STPG2: variants seen among roughly 807,000 people sequenced by gnomAD.
STPG2 encodes the protein sperm tail PG-rich repeat containing 2.
In STPG2, 56 loss-of-function variants were observed where a neutral mutation model predicts 54.2. That is an observed-to-expected ratio of 1.03 (90% CI 0.83 to 1.29). The LOEUF (loss-of-function observed/expected upper bound fraction) is 1.29. Ranked by LOEUF, STPG2 falls within the 50% of genes most tolerant of loss-of-function variation. The pLI, the probability that STPG2 is intolerant of heterozygous loss-of-function variation, is 0.00. For missense variants in STPG2, 596 were observed against 544.9 expected (o/e 1.09, Z -0.93); for synonymous variants, 200 against 181.8 (o/e 1.10, Z -0.81).
intron 10 of STPG2, among the ~76,000 whole-genome samples, chr4:97,671,257 T>G (rs979756499): frequency 6.6e-6 from 1 of 152,218 alleles, no homozygotes; most frequent in Non-Finnish European, 1.5e-5. Flanking sequence ...GCTCTCCTAG[T>G]TCATGTCATA....
At chr4:97,732,341 C>T (rs2149027584) in intron 9 of STPG2, among the ~76,000 whole-genome samples, 1 of 152,246 alleles carries the variant, frequency 6.6e-6, no homozygotes, top group South Asian at 2.1e-4. Context: ...GTCATTGATC[C>T]ATCTTCAATT....
At chr4:97,784,158 C>A (rs1188300601) in intron 9 of STPG2, among the ~76,000 whole-genome samples, 4 of 150,114 alleles carry the variant, frequency 2.7e-5, no homozygotes, top group Non-Finnish European at 4.5e-5. Flanking sequence ...ACAACAACAA[C>A]AAAAAAGAAT....
At chr4:97,679,648 A>G (rs973431939) in intron 10 of STPG2, among the ~76,000 whole-genome samples, 1 of 152,092 alleles carries the variant, frequency 6.6e-6, no homozygotes, top group Admixed American at 6.5e-5. Flanking sequence ...CCATTTGTCA[A>G]TTTTGGCTTT....
chr4:98,094,589 C>G (rs986355631), intron 5 of STPG2, among the ~76,000 whole-genome samples: 1 of 152,000 alleles, frequency 6.6e-6, no homozygotes, highest in African/African-American at 2.4e-5. Flanking sequence ...TGGACCTGCC[C>G]TGGGTCAGAG....
In STPG2 at chr4:98,099,719, C is replaced by T. The variant is rs147060363; in HGVS notation, c.612+6234G>A. ...TTCACATTGCATGCCTGTATCAAAACATCTCATGTACCCCATAAAAATATA... is the reference window on the plus strand; with the variant it reads ...TTCACATTGCATGCCTGTATCAAAATATCTCATGTACCCCATAAAAATATA... On this transcript the variant is annotated intron_variant, in intron 5 of 10. Transcript: ENST00000295268. Among the ~76,000 whole-genome samples, 279 of 152,206 alleles carry T rather than the reference C, an allele frequency of 1.8e-3. 1 individual carries two copies. The highest frequency in any genetic ancestry group is 6.3e-3 in the African/African-American group (260 of 41,522).
At chr4:97,881,490 T>A (rs1414491302) in intron 8 of STPG2, among the ~76,000 whole-genome samples, 3 of 152,132 alleles carry the variant, frequency 2.0e-5, no homozygotes, top group Admixed American at 1.3e-4. Flanking sequence ...ACCAAACTCA[T>A]AAATGGGCAA....
intron 8 of STPG2, among the ~76,000 whole-genome samples, chr4:97,882,422 G>A (rs781041074): frequency 2.6e-5 from 4 of 152,274 alleles, no homozygotes; most frequent in Non-Finnish European, 4.4e-5. Context: ...AAGGGCACAG[G>A]TGCAGATCCC....
chr4:97,630,105 G>A (rs1721221887), intron 10 of STPG2, among the ~76,000 whole-genome samples: 1 of 151,806 alleles, frequency 6.6e-6, no homozygotes. Context: ...GTTTATCAGT[G>A]CAAAATAATA....
intron 9 of STPG2, among the ~76,000 whole-genome samples, chr4:97,748,060 A>G (rs998303838): frequency 6.6e-6 from 1 of 151,486 alleles, no homozygotes; most frequent in Non-Finnish European, 1.5e-5. Context: ...TTTTCATGTG[A>G]GAACTGAAAA....
intron 7 of STPG2, among the ~76,000 whole-genome samples, chr4:97,955,932 T>C (rs1057154605): frequency 6.6e-6 from 1 of 151,878 alleles, no homozygotes; most frequent in Non-Finnish European, 1.5e-5. Flanking sequence ...AAACAAAAAC[T>C]GTAATAATTC....
chr4:98,119,042 T>C (rs1003561943), intron 3 of STPG2, among the ~76,000 whole-genome samples: 4 of 152,130 alleles, frequency 2.6e-5, no homozygotes, highest in Non-Finnish European at 2.9e-5. Context: ...AGCATCATGG[T>C]AAAACTGGTT....
intron 10 of STPG2, among the ~76,000 whole-genome samples, chr4:97,617,725 A>G (rs1733910795): frequency 6.6e-6 from 1 of 152,162 alleles, no homozygotes; most frequent in Non-Finnish European, 1.5e-5. Flanking sequence ...GTGAAAAAGA[A>G]AGTGATACAC....
chr4:98,049,722 T>C (rs1212847694), intron 5 of STPG2, among the ~76,000 whole-genome samples: 2 of 151,020 alleles, frequency 1.3e-5, no homozygotes, highest in Non-Finnish European at 3.0e-5. Flanking sequence ...CTAAAATTTA[T>C]AGGCTATGGC....
chr4:97,944,289 C>A (rs1478502615), intron 7 of STPG2, among the ~76,000 whole-genome samples: 1 of 151,884 alleles, frequency 6.6e-6, no homozygotes, highest in Non-Finnish European at 1.5e-5. Context: ...TATTTCATAA[C>A]CAGCAAGTTC....
chr4:97,993,611 T>C (rs1735094459), intron 5 of STPG2, among the ~76,000 whole-genome samples: 1 of 151,980 alleles, frequency 6.6e-6, no homozygotes, highest in African/African-American at 2.4e-5. Flanking sequence ...CATAGAATAA[T>C]TGTTGGAGGA....
At chr4:98,080,466 C>T (rs11723283) in intron 5 of STPG2, among the ~76,000 whole-genome samples, 60,082 of 151,814 alleles carry the variant, frequency 0.4, 12,120 homozygotes, top group Middle Eastern at 0.46. Context: ...CTTATTCTTA[C>T]AGCAAATCAG....
chr4:97,634,453 G>T (rs1721429591), intron 10 of STPG2, among the ~76,000 whole-genome samples: 1 of 152,202 alleles, frequency 6.6e-6, no homozygotes, highest in Non-Finnish European at 1.5e-5. Flanking sequence ...CCAAAGGAAG[G>T]CAGCTCCTCA....
intron 1 of STPG2, among the ~76,000 whole-genome samples, chr4:98,141,140 T>G (rs1740270042): frequency 1.3e-5 from 2 of 152,172 alleles, no homozygotes; most frequent in Non-Finnish European, 2.9e-5. Flanking sequence ...TCAGATGGAT[T>G]TTATTTAATC....
At chr4:97,594,033 C>T (rs538567318) in intron 10 of STPG2, among the ~76,000 whole-genome samples, 40 of 152,322 alleles carry the variant, frequency 2.6e-4, no homozygotes, top group Non-Finnish European at 4.7e-4. Flanking sequence ...ACTGAAGGAA[C>T]GTCAGCCCAT....
Sources: gnomAD v4.1 joint callset for allele counts (sites outside exome capture counted in the v4.1 genomes callset) on GRCh38, gnomAD v4.1.1 for gene constraint, MANE v1.5 for transcripts, NCBI Gene and HGNC (gene_info 2026-07-23, HGNC 2026-07-21) for gene names.